SANBR: variants seen among roughly 807,000 people sequenced by gnomAD.
SANBR encodes the protein SANT and BTB domain regulator of class switch recombination.
A neutral mutation model predicts 101.8 loss-of-function variants in SANBR; 77 were observed. The observed-to-expected ratio is 0.76, with a 90% CI of 0.63 to 0.91. SANBR has a LOEUF of 0.91. SANBR is among the 40% of genes least tolerant of loss of function. The probability of loss-of-function intolerance (pLI) is 0.00; values close to 1 mark genes in which losing one functional copy is unlikely to be tolerated. For missense variants in SANBR, 875 were observed against 853.0 expected, an observed-to-expected ratio of 1.03 and a Z score of -0.32; for synonymous variants, 279 against 274.7, an observed-to-expected ratio of 1.02 and a Z score of -0.15.
chr2:61,113,578 A>G (rs1047862643), intron 16 of SANBR, among the ~76,000 whole-genome samples: 50 of 152,152 alleles, frequency 3.3e-4, no homozygotes, highest in African/African-American at 1.1e-3. Flanking sequence ...TTTTTATGCT[A>G]TTATAAATGG....
At chr2:61,096,248 C>T (rs1395731991) in intron 11 of SANBR, among the ~76,000 whole-genome samples, 1 of 152,176 alleles carries the variant, frequency 6.6e-6, no homozygotes. Flanking sequence ...GCCCCCTGCA[C>T]AGGCCCAAAA....
intron 13 of SANBR, among the ~76,000 whole-genome samples, chr2:61,104,620 C>T (rs1683464207): frequency 6.6e-6 from 1 of 152,140 alleles, no homozygotes; most frequent in South Asian, 2.1e-4. Context: ...TTGTATCAAT[C>T]AATGCATGAT....
intron 2 of SANBR, 123 bp from the exon 3 acceptor site, chr2:61,070,219 G>T: frequency 1.6e-6 from 1 of 641,996 alleles, no homozygotes. Context: ...TTTTAGGTCA[G>T]TTTTACTTTT....
intron 14 of SANBR, 29 bp downstream of exon 14, chr2:61,106,691 A>T (rs777577155): frequency 8.0e-7 from 1 of 1,251,260 alleles, no homozygotes; most frequent in Non-Finnish European, 1.1e-6. Context: ...CTTATTCTTT[A>T]TTTACATAAA....
rs762670053 is a variant in SANBR, at chr2:61,109,180, AT to A, written c.1645-8del. Reference sequence around the variant, plus strand: ...AATCATAATATTACATTTATAATAGATTTTTTTTTAACTTAGAAACAACAGT... The same window carrying A: ...AATCATAATATTACATTTATAATAGATTTTTTTTAACTTAGAAACAACAGT... On this transcript the variant is annotated splice_polypyrimidine_tract_variant and intron_variant, in intron 15 of 21. Coordinates refer to ENST00000402291, the MANE Select transcript of SANBR (RefSeq NM_001129993.3). 1,073 of 1,227,480 alleles carry A rather than the reference AT, an allele frequency of 8.7e-4. No homozygotes were observed. Among genetic ancestry groups the A allele is most frequent in the South Asian group, 1.6e-3 (93 of 57,696 alleles). The allele number at this position is 1,227,480 out of a possible 1,614,324, so 76.0% of individuals were successfully genotyped here.
chr2:61,114,697 C>T (rs529542721), intron 16 of SANBR, among the ~76,000 whole-genome samples: 3 of 152,210 alleles, frequency 2.0e-5, no homozygotes, highest in East Asian at 3.9e-4. Flanking sequence ...CTCTGTTGCC[C>T]AGGCTTCAAT....
At chr2:61,100,976 T>G (rs777133831) in intron 12 of SANBR, among the ~76,000 whole-genome samples, 1 of 152,184 alleles carries the variant, frequency 6.6e-6, no homozygotes. Flanking sequence ...TGATGAAATT[T>G]AGGGGCAAGG....
In SANBR at chr2:61,124,271, A is replaced by G. The variant is rs1269131595; in HGVS notation, c.*2109A>G. ...CATTTCTTTAATTGAAATAAATGTT[A>G]ATGACAAAAGTTGTTTGGAAAGTCT... On this transcript the variant is annotated 3_prime_UTR_variant, in exon 22 of 22. Coordinates refer to ENST00000402291, the MANE Select transcript of SANBR (RefSeq NM_001129993.3). 1.0e-6 allele frequency: 1 copy of G among 967,652 alleles called. No homozygotes were observed. Among genetic ancestry groups the G allele is most frequent in the African/African-American group, 1.8e-5 (1 of 56,882 alleles). The allele number at this position is 967,652 out of a possible 1,614,324, so 59.9% of individuals were successfully genotyped here. A position where few individuals can be genotyped will look rare whatever the true frequency, so the allele number is the denominator to read the frequency against.
downstream of SANBR, among the ~76,000 whole-genome samples, chr2:61,125,242 T>C (rs1448401395): frequency 6.6e-6 from 1 of 152,248 alleles, no homozygotes; most frequent in Non-Finnish European, 1.5e-5. Context: ...AAATGTTTGC[T>C]ATTATTGTTG....
intron 16 of SANBR, among the ~76,000 whole-genome samples, chr2:61,109,755 A>G (rs1683741056): frequency 7.5e-6 from 1 of 132,922 alleles, no homozygotes; most frequent in African/African-American, 2.9e-5. Flanking sequence ...TGCAACCTCT[A>G]CTTCCTGGGT....
chr2:61,105,443 T>A (rs1282851723), intron 13 of SANBR, among the ~76,000 whole-genome samples: 3 of 151,450 alleles, frequency 2.0e-5, no homozygotes, highest in South Asian at 4.2e-4. Flanking sequence ...CTTGGCTCAC[T>A]GCAACCTCTG....
At chr2:61,074,348 A>G (rs1289951261) in intron 5 of SANBR, among the ~76,000 whole-genome samples, 1 of 152,228 alleles carries the variant, frequency 6.6e-6, no homozygotes, top group East Asian at 1.9e-4. Context: ...ATTTAACCAC[A>G]GTTTTAAAAA....
At chr2:61,119,109 C>A (rs979888172) in intron 20 of SANBR, among the ~76,000 whole-genome samples, 2 of 152,138 alleles carry the variant, frequency 1.3e-5, no homozygotes, top group Non-Finnish European at 2.9e-5. Flanking sequence ...GCTTAGATGT[C>A]ATCTCTAAAA....
chr2:61,104,929 A>G (rs886087051), intron 13 of SANBR, among the ~76,000 whole-genome samples: 2 of 150,232 alleles, frequency 1.3e-5, no homozygotes, highest in African/African-American at 2.5e-5. Flanking sequence ...GATTGTATCA[A>G]TCAATGCATG....
chr2:61,119,166 T>C (rs956895365), intron 20 of SANBR, among the ~76,000 whole-genome samples: 1 of 152,200 alleles, frequency 6.6e-6, no homozygotes, highest in African/African-American at 2.4e-5. Flanking sequence ...ACCTATATTC[T>C]TGCTAGAATT....
At chr2:61,069,865 ACT>A (rs1394356194) in intron 2 of SANBR, among the ~76,000 whole-genome samples, 1 of 152,130 alleles carries the variant, frequency 6.6e-6, no homozygotes, top group African/African-American at 2.4e-5. Context: ...AATATATTAG[ACT>A]CTGTCCCTAC....
At chr2:61,073,962 G>A (rs1681620605) in intron 5 of SANBR, among the ~76,000 whole-genome samples, 1 of 117,186 alleles carries the variant, frequency 8.5e-6, no homozygotes, top group African/African-American at 4.2e-5. Context: ...TCAGTGTATT[G>A]CAAGTTTTGA....
At chr2:61,095,848 C>A (rs1683004775) in intron 11 of SANBR, among the ~76,000 whole-genome samples, 1 of 152,162 alleles carries the variant, frequency 6.6e-6, no homozygotes, top group African/African-American at 2.4e-5. Flanking sequence ...CCCCTCCATC[C>A]AGTCCAAGGT....
At chr2:61,134,979 C>G (rs1684801504) in intron 21 of SANBR, among the ~76,000 whole-genome samples, 1 of 151,732 alleles carries the variant, frequency 6.6e-6, no homozygotes, top group Non-Finnish European at 1.5e-5. Flanking sequence ...CACCTGAGGT[C>G]AGGAGTTCGA....
Sources: allele counts gnomAD v4.1 joint callset (sites outside exome capture counted in the v4.1 genomes callset), GRCh38; gene constraint gnomAD v4.1.1; transcripts MANE v1.5; gene names NCBI Gene and HGNC (gene_info 2026-07-23, HGNC 2026-07-21).